MEGF10: variants seen among roughly 807,000 people sequenced by gnomAD.
MEGF10 encodes multiple EGF like domains 10, also known as multiple epidermal growth factor-like domains protein 10.
MEGF10 carries 86 observed loss-of-function variants against 147.5 expected under a neutral mutation model. The ratio of observed to expected loss-of-function variants is 0.58; its 90% CI spans 0.49 to 0.70. MEGF10 has a LOEUF of 0.70. Among genes scored for constraint, MEGF10 ranks in the 30% least tolerant of loss-of-function variants. The probability of loss-of-function intolerance (pLI) is 0.00; values close to 1 mark genes in which losing one functional copy is unlikely to be tolerated. For missense variants in MEGF10, 1,329 were observed against 1,487.3 expected (o/e 0.89, Z 1.75); for synonymous variants, 478 against 525.5 (o/e 0.91, Z 1.24).
chr5:127,450,470 C>G (rs1580886902), intron 22 of MEGF10, among the ~76,000 whole-genome samples: 1 of 152,160 alleles, frequency 6.6e-6, no homozygotes, highest in Admixed American at 6.5e-5. Flanking sequence ...GTGCAGTTTC[C>G]AAGCCTGTAA....
intron 2 of MEGF10, among the ~76,000 whole-genome samples, chr5:127,337,496 CCGCTAGGGTT>C (rs1761514024): frequency 6.6e-6 from 1 of 152,008 alleles, no homozygotes; most frequent in South Asian, 2.1e-4. Flanking sequence ...CCTCAGGACA[CCGCTAGGGTT>C]CTGAAGAAAA....
chr5:127,450,337 G>A (rs1022668900), intron 22 of MEGF10, among the ~76,000 whole-genome samples: 16 of 152,170 alleles, frequency 1.1e-4, no homozygotes, highest in African/African-American at 2.9e-4. Flanking sequence ...ATGACATAGC[G>A]AGACTCACCT....
intron 1 of MEGF10, among the ~76,000 whole-genome samples, chr5:127,303,606 G>T (rs867940200): frequency 2.1e-4 from 32 of 152,286 alleles, no homozygotes; most frequent in Middle Eastern, 6.8e-3. Flanking sequence ...AATCTTCTAT[G>T]CTAGGGACAG....
intron 9 of MEGF10, among the ~76,000 whole-genome samples, chr5:127,416,438 A>G (rs1764782357): frequency 6.6e-6 from 1 of 152,150 alleles, no homozygotes. Flanking sequence ...AGACTTGAGT[A>G]GTTCTAAGTA....
At chr5:127,318,401 T>C (rs1760650401) in intron 1 of MEGF10, among the ~76,000 whole-genome samples, 1 of 152,166 alleles carries the variant, frequency 6.6e-6, no homozygotes, top group Non-Finnish European at 1.5e-5. Flanking sequence ...ACCAAAAAAG[T>C]GGCCATTTCC....
At chr5:127,357,141 A>G (rs1762305619) in intron 4 of MEGF10, among the ~76,000 whole-genome samples, 1 of 152,194 alleles carries the variant, frequency 6.6e-6, no homozygotes, top group African/African-American at 2.4e-5. Context: ...AAGAAAGGGA[A>G]AGCTTTAGTT....
intron 24 of MEGF10, 39 bp from the exon 25 acceptor site, chr5:127,457,089 T>G: frequency 6.6e-7 from 1 of 1,523,062 alleles, no homozygotes; most frequent in Non-Finnish European, 8.8e-7. Context: ...TAAAAACATT[T>G]CCTTTGCTGA....
intron 5 of MEGF10, among the ~76,000 whole-genome samples, chr5:127,392,768 C>T (rs893734364): frequency 2.4e-4 from 36 of 152,184 alleles, no homozygotes; most frequent in African/African-American, 8.4e-4. Flanking sequence ...ATCCAGTTCT[C>T]TACTAGTTTT....
intron 16 of MEGF10, among the ~76,000 whole-genome samples, chr5:127,435,699 T>C (rs1765532454): frequency 1.3e-5 from 2 of 152,154 alleles, no homozygotes; most frequent in Non-Finnish European, 2.9e-5. Flanking sequence ...ATCCAAATAA[T>C]GTCTTGGAAA....
Position 127,417,730 on chromosome 5 carries a change from C to T in MEGF10, c.1223C>T (p.Ala408Val), listed in dbSNP as rs1286349281. ...ETCSPGFYGE[A>V]CQQICSCQNG... Reference sequence around the variant, plus strand: ...TGTTCTCCTGGATTCTACGGGGAAGCTTGCCAGCAGATCTGCAGCTGCCAA... The same window carrying T: ...TGTTCTCCTGGATTCTACGGGGAAGTTTGCCAGCAGATCTGCAGCTGCCAA... Residue 408 changes from alanine (A) to valine (V), a missense_variant, in exon 10 of 25, where the codon GCT (alanine) becomes GTT (valine). Coordinates refer to ENST00000503335, the MANE Select transcript of MEGF10 (RefSeq NM_001256545.2). The T allele has an allele frequency of 1.9e-6, 3 of 1,614,130 alleles. No individual in the cohort carries two copies. The highest frequency in any genetic ancestry group is 1.7e-6 in the Non-Finnish European group (2 of 1,180,018).
At position 127,307,657 on chromosome 5, in the gene MEGF10, CA is replaced by C. The variant is rs545420480; in HGVS notation, c.-19+16604del. On this transcript the variant is annotated intron_variant, in intron 1 of 24. Coordinates refer to ENST00000503335, the MANE Select transcript of MEGF10 (RefSeq NM_001256545.2). ...TCTCAAAATTTCACTAACTTCAGAC[CA>C]AATTCAAATTTTCTTCTATCCATGA... is the stretch of plus-strand genomic sequence containing the variant. 4.8e-3 allele frequency among the ~76,000 whole-genome samples: 736 copies of C among 152,232 alleles called. 9 individuals are homozygous for C. Among genetic ancestry groups the C allele is most frequent in the African/African-American group, 0.017 (710 of 41,528 alleles).
At chr5:127,384,018 A>G (rs1267964977) in intron 5 of MEGF10, among the ~76,000 whole-genome samples, 1 of 152,204 alleles carries the variant, frequency 6.6e-6, no homozygotes, top group Non-Finnish European at 1.5e-5. Context: ...AGTGGTCCTG[A>G]ATATTCATCC....
intron 1 of MEGF10, among the ~76,000 whole-genome samples, chr5:127,330,552 T>C (rs1761213495): frequency 6.6e-6 from 1 of 152,208 alleles, no homozygotes; most frequent in Non-Finnish European, 1.5e-5. Flanking sequence ...CTTTACAGTC[T>C]TTAGGTTCAT....
chr5:127,373,460 C>T (rs541839345), intron 5 of MEGF10, among the ~76,000 whole-genome samples: 2 of 152,274 alleles, frequency 1.3e-5, no homozygotes, highest in Non-Finnish European at 2.9e-5. Context: ...CCCATTGTGT[C>T]CCTTTGACAT....
the MEGF10 span, among the ~76,000 whole-genome samples, chr5:127,270,316 G>T: frequency 6.6e-6 from 1 of 152,180 alleles, no homozygotes; most frequent in Admixed American, 6.5e-5. Context: ...AGACCCATCA[G>T]TGTGCTGTAT....
chr5:127,325,792 A>G (rs1760989686), intron 1 of MEGF10, among the ~76,000 whole-genome samples: 1 of 150,670 alleles, frequency 6.6e-6, no homozygotes, highest in Non-Finnish European at 1.5e-5. Context: ...GGGCTTGTTT[A>G]TAAAACCATT....
intron 22 of MEGF10, among the ~76,000 whole-genome samples, chr5:127,450,832 C>T (rs1269109695): frequency 1.3e-5 from 2 of 152,058 alleles, no homozygotes; most frequent in East Asian, 3.9e-4. Flanking sequence ...GATCTCGGCT[C>T]ACTGCAAGAT....
At chr5:127,425,212 G>C (rs1475894499) in intron 13 of MEGF10, among the ~76,000 whole-genome samples, 1 of 152,222 alleles carries the variant, frequency 6.6e-6, no homozygotes, top group Non-Finnish European at 1.5e-5. Context: ...CTGGGTCATG[G>C]GGTAAGACAA....
At chr5:127,230,660 C>G in the MEGF10 span, among the ~76,000 whole-genome samples, 1 of 152,168 alleles carries the variant, frequency 6.6e-6, no homozygotes, top group Non-Finnish European at 1.5e-5. Context: ...TTATGTATCC[C>G]TCCCAGCAGC....
Sources: allele counts gnomAD v4.1 joint callset (sites outside exome capture counted in the v4.1 genomes callset), GRCh38; gene constraint gnomAD v4.1.1; transcripts MANE v1.5; gene names NCBI Gene and HGNC (gene_info 2026-07-23, HGNC 2026-07-21).